PPP3CA: variants seen among roughly 807,000 people sequenced by gnomAD.
PPP3CA encodes protein phosphatase 3 catalytic subunit alpha.
Under a neutral mutation model 66.5 loss-of-function variants are expected in PPP3CA, and 14 were observed. The observed-to-expected ratio is 0.21, with a 90% confidence interval of 0.14 to 0.33. The LOEUF (loss-of-function observed/expected upper bound fraction) is 0.33. Ranked by LOEUF, PPP3CA falls within the 10% of genes least tolerant of loss-of-function variation. The pLI is 1.00. For synonymous variants in PPP3CA, 232 were observed against 226.2 expected, an observed-to-expected ratio of 1.03 and a Z score of -0.23; for missense variants, 317 against 639.5, an observed-to-expected ratio of 0.50 and a Z score of 5.44.
intron 1 of PPP3CA, among the ~76,000 whole-genome samples, chr4:101,308,444 G>A (rs1728615137): frequency 6.6e-6 from 1 of 151,902 alleles, no homozygotes; most frequent in Non-Finnish European, 1.5e-5. Flanking sequence ...CCCCTTACAT[G>A]TAATATTTCA....
chr4:101,156,732 AT>A (rs1174362266), intron 2 of PPP3CA, among the ~76,000 whole-genome samples: 8 of 152,108 alleles, frequency 5.3e-5, no homozygotes, highest in Admixed American at 2.0e-4. Flanking sequence ...GAACAAAGCA[AT>A]TTGGCTAGAT....
At chr4:101,198,593 C>T (rs903542284) in intron 1 of PPP3CA, among the ~76,000 whole-genome samples, 2 of 152,170 alleles carry the variant, frequency 1.3e-5, no homozygotes, top group African/African-American at 4.8e-5. Flanking sequence ...GGGTCTCTGC[C>T]ACACATGCAC....
At chr4:101,192,678 T>C (rs1299351995) in intron 2 of PPP3CA, among the ~76,000 whole-genome samples, 4 of 152,206 alleles carry the variant, frequency 2.6e-5, no homozygotes, top group Admixed American at 2.6e-4. Flanking sequence ...ATTGTACTTA[T>C]CATACATGAT....
intron 1 of PPP3CA, among the ~76,000 whole-genome samples, chr4:101,277,986 A>G (rs1727555513): frequency 6.6e-6 from 1 of 152,112 alleles, no homozygotes; most frequent in Admixed American, 6.6e-5. Context: ...CTTAAAGCCT[A>G]TATAAAACCA....
intron 1 of PPP3CA, among the ~76,000 whole-genome samples, chr4:101,253,949 C>T (rs1489144685): frequency 6.6e-6 from 1 of 152,026 alleles, no homozygotes; most frequent in African/African-American, 2.4e-5. Flanking sequence ...CACTTGAACT[C>T]TGTACACTCT....
chr4:101,033,547 A>T (rs1162951277), intron 11 of PPP3CA, among the ~76,000 whole-genome samples: 1 of 152,132 alleles, frequency 6.6e-6, no homozygotes, highest in African/African-American at 2.4e-5. Context: ...TATCAGCAAA[A>T]ATTGAGGGCT....
intron 11 of PPP3CA, among the ~76,000 whole-genome samples, chr4:101,035,224 G>A (rs1487388620): frequency 6.6e-6 from 1 of 152,050 alleles, no homozygotes; most frequent in Admixed American, 6.5e-5. Flanking sequence ...AGCAGAGATC[G>A]TGCCACTGCA....
chr4:101,111,997 C>T (rs186092828), intron 2 of PPP3CA, among the ~76,000 whole-genome samples: 10 of 152,190 alleles, frequency 6.6e-5, no homozygotes, highest in Admixed American at 6.6e-4. Flanking sequence ...CCCCTTCTAG[C>T]TTCTTGTATC....
chr4:101,282,041 C>G (rs1247773960), intron 1 of PPP3CA, among the ~76,000 whole-genome samples: 1 of 152,138 alleles, frequency 6.6e-6, no homozygotes, highest in Non-Finnish European at 1.5e-5. Context: ...CATACCTTTT[C>G]CTGGGAAAAG....
intron 1 of PPP3CA, among the ~76,000 whole-genome samples, chr4:101,245,059 G>A (rs1177956248): frequency 2.6e-5 from 4 of 152,040 alleles, no homozygotes; most frequent in Admixed American, 6.5e-5. Context: ...AATGAGATTC[G>A]TGAATAGTTT....
intron 1 of PPP3CA, among the ~76,000 whole-genome samples, chr4:101,249,166 CA>C (rs56681238): frequency 0.83 from 117,991 of 141,774 alleles, 49,122 homozygotes; most frequent in Non-Finnish European, 0.88. Flanking sequence ...GACTCTGTCT[CA>C]AAAAAAAAAA....
Position 101,092,763 on chromosome 4 carries a change from A to G in PPP3CA, c.782+1013T>C, listed in dbSNP as rs181655896. On this transcript the variant is annotated intron_variant, in intron 6 of 13. Coordinates refer to ENST00000394854, the MANE Select transcript of PPP3CA (RefSeq NM_000944.5). ...GTTCTTATGGATTCCAGCTTCATCC[A>G]TGTCCCTGCAAAGAACATGAACACA... Among the ~76,000 whole-genome samples, 353 of 152,244 alleles carry G rather than the reference A, an allele frequency of 2.3e-3. 2 individuals carry two copies. Among genetic ancestry groups the G allele is most frequent in the Admixed American group, 7.7e-3 (118 of 15,298 alleles).
At chr4:101,237,659 A>G (rs1474928418) in intron 1 of PPP3CA, among the ~76,000 whole-genome samples, 2 of 152,040 alleles carry the variant, frequency 1.3e-5, no homozygotes, top group Admixed American at 6.6e-5. Context: ...ATATATCTTC[A>G]TCACTAGATG....
intron 1 of PPP3CA, among the ~76,000 whole-genome samples, chr4:101,327,850 G>A (rs1446999736): frequency 2.0e-5 from 3 of 151,992 alleles, no homozygotes; most frequent in Admixed American, 6.6e-5. Context: ...TTAACAAAAT[G>A]AGAACTGTCA....
intron 10 of PPP3CA, among the ~76,000 whole-genome samples, chr4:101,044,018 T>C (rs575851508): frequency 1.1e-4 from 16 of 152,358 alleles, no homozygotes; most frequent in Admixed American, 7.2e-4. Flanking sequence ...TGTTTTATCC[T>C]GAAAAGTACC....
chr4:101,340,650 A>C (rs1210897270), intron 1 of PPP3CA, among the ~76,000 whole-genome samples: 2 of 152,204 alleles, frequency 1.3e-5, no homozygotes, highest in Non-Finnish European at 2.9e-5. Context: ...TGATTTTAAA[A>C]TGCTGAAAAT....
chr4:101,191,321 A>G (rs146368264), intron 2 of PPP3CA, among the ~76,000 whole-genome samples: 3 of 152,216 alleles, frequency 2.0e-5, no homozygotes, highest in Non-Finnish European at 2.9e-5. Context: ...GTTTCCAAGA[A>G]CAACCTTGCA....
At chr4:101,188,810 G>A (rs1724495327) in intron 2 of PPP3CA, among the ~76,000 whole-genome samples, 1 of 152,086 alleles carries the variant, frequency 6.6e-6, no homozygotes, top group African/African-American at 2.4e-5. Flanking sequence ...TGACCTCCAG[G>A]TCAAACACAA....
intron 2 of PPP3CA, among the ~76,000 whole-genome samples, chr4:101,150,900 G>A (rs897711580): frequency 6.6e-6 from 1 of 151,986 alleles, no homozygotes; most frequent in Admixed American, 6.6e-5. Context: ...CAGTCCTTAG[G>A]GGACATAACC....
Sources: allele counts gnomAD v4.1 joint callset (sites outside exome capture counted in the v4.1 genomes callset), GRCh38; gene constraint gnomAD v4.1.1; transcripts MANE v1.5; gene names NCBI Gene and HGNC (gene_info 2026-07-23, HGNC 2026-07-21).